The following STK24 variants were observed in gnomAD, a reference collection of about 807,000 sequenced individuals.
STK24 encodes the protein serine/threonine-protein kinase 24.
A neutral mutation model predicts 55.6 loss-of-function variants in STK24; 21 were observed. That is an observed-to-expected ratio of 0.38 (90% CI 0.27 to 0.54). The LOEUF is 0.54. Among genes scored for constraint, STK24 ranks in the 20% least tolerant of loss-of-function variants. The pLI is 0.79. For missense variants in STK24, 383 were observed against 538.4 expected (o/e 0.71, Z 2.86); for synonymous variants, 200 against 215.2 (o/e 0.93, Z 0.62).
rs1892931414 is a variant in STK24, at chr13:98,447,591, C to G, written c.*5582G>C. 1 of 152,498 alleles carries G rather than the reference C, an allele frequency of 6.6e-6. No homozygotes were observed. Among genetic ancestry groups the G allele is most frequent in the African/African-American group, 2.4e-5 (1 of 41,402 alleles). The allele number at this position is 152,498 out of a possible 1,614,324, so 9.4% of individuals were successfully genotyped here. On this transcript the variant is annotated 3_prime_UTR_variant, in exon 11 of 11. Coordinates refer to ENST00000539966, the MANE Select transcript of STK24 (RefSeq NM_001032296.4). ...CCACCCACTAGATGCCCGCAGCAAC[C>G]CCTCAGTTGGGACATCTAAAAATGT...
intron 1 of STK24, among the ~76,000 whole-genome samples, chr13:98,565,560 A>C (rs897803736): frequency 1.4e-5 from 2 of 147,310 alleles, no homozygotes; most frequent in African/African-American, 5.0e-5. Flanking sequence ...TGAACCCGGG[A>C]GGCAGAGGTT....
chr13:98,548,625 G>A (rs1897086873), intron 1 of STK24, among the ~76,000 whole-genome samples: 1 of 152,156 alleles, frequency 6.6e-6, no homozygotes, highest in African/African-American at 2.4e-5. Context: ...ACTGTGGGAG[G>A]CTGAGGTGGG....
chr13:98,465,414 G>A (rs1182700119), intron 6 of STK24, among the ~76,000 whole-genome samples: 5 of 152,178 alleles, frequency 3.3e-5, no homozygotes, highest in African/African-American at 9.7e-5. Context: ...GCTTTGTATG[G>A]GAAGACATGC....
intron 7 of STK24, among the ~76,000 whole-genome samples, chr13:98,462,611 C>A (rs1048489771): frequency 1.3e-5 from 2 of 152,150 alleles, no homozygotes; most frequent in Non-Finnish European, 2.9e-5. Flanking sequence ...CTCACTCCCC[C>A]ACATGCCCCA....
intron 1 of STK24, among the ~76,000 whole-genome samples, chr13:98,543,754 G>A (rs917090083): frequency 2.6e-5 from 4 of 152,270 alleles, no homozygotes; most frequent in Admixed American, 2.0e-4. Context: ...CAGCCGCCCC[G>A]AGGGTGAAGC....
chr13:98,470,541 A>AT (rs1446127432), intron 5 of STK24, among the ~76,000 whole-genome samples: 1 of 152,258 alleles, frequency 6.6e-6, no homozygotes, highest in Non-Finnish European at 1.5e-5. Context: ...GAAATTAGAC[A>AT]TTAAGACACT....
chr13:98,571,826 G>C (rs1436749869), intron 1 of STK24, among the ~76,000 whole-genome samples: 1 of 152,084 alleles, frequency 6.6e-6, no homozygotes, highest in Non-Finnish European at 1.5e-5. Flanking sequence ...AATCCACTTA[G>C]GCTGTCCTAC....
chr13:98,465,192 A>T (rs1160012806), intron 6 of STK24, among the ~76,000 whole-genome samples: 1 of 152,218 alleles, frequency 6.6e-6, no homozygotes, highest in Non-Finnish European at 1.5e-5. Context: ...ACTCACTCCA[A>T]ATTACAAAAG....
rs1299455670 is a variant in STK24 at position 98,447,983 on chromosome 13, G to A, written c.*5190C>T. The A allele has an allele frequency of 5.6e-6, 3 of 539,360 alleles. No homozygotes were observed. Among genetic ancestry groups the A allele is most frequent in the Non-Finnish European group, 9.9e-6 (3 of 302,870 alleles). The allele number at this position is 539,360 out of a possible 1,614,324, so 33.4% of individuals were successfully genotyped here. A position where few individuals can be genotyped will look rare whatever the true frequency, so the allele number is the denominator to read the frequency against. ...ACCAGAGGCCACCTCGCTCCTAACT[G>A]CTCCAATGGAGCGGGCAGTGTCACT... On this transcript the variant is annotated 3_prime_UTR_variant, in exon 11 of 11. Transcript: ENST00000539966.
intron 1 of STK24, among the ~76,000 whole-genome samples, chr13:98,568,698 C>T (rs940235553): frequency 2.0e-5 from 3 of 151,986 alleles, no homozygotes; most frequent in Non-Finnish European, 4.4e-5. Context: ...GAAACCTCAT[C>T]TCTACTAAAA....
At chr13:98,515,104 A>G (rs1410240434) in intron 2 of STK24, among the ~76,000 whole-genome samples, 2 of 144,688 alleles carry the variant, frequency 1.4e-5, no homozygotes, top group East Asian at 2.0e-4. Context: ...ACCCCCTGAA[A>G]AAAAAAAAAA....
At chr13:98,565,928 G>C (rs577600461) in intron 1 of STK24, among the ~76,000 whole-genome samples, 1 of 152,386 alleles carries the variant, frequency 6.6e-6, no homozygotes, top group South Asian at 2.1e-4. Context: ...GGAGTGCACA[G>C]ACAGCGCAGT....
chr13:98,474,930 A>G lies in STK24; in HGVS notation c.488T>C (p.Phe163Ser). 1 of 1,614,056 alleles carries G rather than the reference A, an allele frequency of 6.2e-7. No individual in the cohort carries two copies. The highest frequency in any genetic ancestry group is 8.5e-7 in the Non-Finnish European group (1 of 1,179,982). Residue 163 changes from phenylalanine to serine, a missense_variant, in exon 5 of 11, where the codon TTT becomes TCT. Transcript: ENST00000539966. ...SEHGEVKLADFGVAGQLTDTQ... is the reference protein window; with the variant it reads ...SEHGEVKLADSGVAGQLTDTQ... The stretch of plus-strand genomic sequence containing the variant: ...GTCTGTCAGCTGGCCAGCCACGCCA[A>G]AGTCCGCCAGCTTCACCTCGCCATG...
At chr13:98,549,854 C>A (rs567400016) in intron 1 of STK24, among the ~76,000 whole-genome samples, 1 of 152,306 alleles carries the variant, frequency 6.6e-6, no homozygotes, top group East Asian at 1.9e-4. Flanking sequence ...AAAGGCCCCA[C>A]CTCGAAACAC....
intron 1 of STK24, among the ~76,000 whole-genome samples, chr13:98,527,775 C>T (rs1365748251): frequency 1.3e-5 from 2 of 152,194 alleles, no homozygotes; most frequent in Non-Finnish European, 1.5e-5. Context: ...CAGCCACAGA[C>T]GCAGAGCCAG....
intron 3 of STK24, among the ~76,000 whole-genome samples, chr13:98,478,264 A>G (rs1173832362): frequency 6.6e-6 from 1 of 152,088 alleles, no homozygotes; most frequent in Non-Finnish European, 1.5e-5. Context: ...TGTGACTTCT[A>G]ACTCCCCCTC....
intron 1 of STK24, among the ~76,000 whole-genome samples, chr13:98,551,483 C>G (rs867310010): frequency 6.6e-6 from 1 of 151,376 alleles, no homozygotes; most frequent in Non-Finnish European, 1.5e-5. Context: ...TTATCCTACT[C>G]CAAACTAAAT....
At chr13:98,523,974 G>A (rs371645490) in intron 1 of STK24, among the ~76,000 whole-genome samples, 5 of 152,154 alleles carry the variant, frequency 3.3e-5, no homozygotes, top group African/African-American at 7.2e-5. Context: ...CTCTGTGGCC[G>A]CCCCACTCTT....
At chr13:98,535,420 CACACA>C (rs2139409815) in intron 1 of STK24, among the ~76,000 whole-genome samples, 1 of 147,448 alleles carries the variant, frequency 6.8e-6, no homozygotes, top group African/African-American at 2.5e-5. Flanking sequence ...CACACACACA[CACACA>C]CACACACACA....
Sources: gnomAD v4.1 joint callset for allele counts (sites outside exome capture counted in the v4.1 genomes callset) on GRCh38, gnomAD v4.1.1 for gene constraint, MANE v1.5 for transcripts, NCBI Gene and HGNC (gene_info 2026-07-23, HGNC 2026-07-21) for gene names.